Variants in CSMD3 observed in about 807,000 individuals in gnomAD.
CSMD3 encodes CUB and sushi domain-containing protein 3.
CSMD3 carries 177 observed loss-of-function variants against 435.2 expected under a neutral mutation model. That is an observed-to-expected ratio of 0.41 (90% CI 0.36 to 0.46). The LOEUF (loss-of-function observed/expected upper bound fraction) is 0.46. CSMD3 is among the 20% of genes least tolerant of loss of function. The pLI, the probability that CSMD3 is intolerant of heterozygous loss-of-function variation, is 0.34. For synonymous variants in CSMD3, 1,656 were observed against 1,520.5 expected (o/e 1.09, Z -2.07); for missense variants, 4,265 against 4,504.6 (o/e 0.95, Z 1.52).
chr8:112,450,975 T>A (rs908742473), intron 32 of CSMD3, among the ~76,000 whole-genome samples: 2 of 152,166 alleles, frequency 1.3e-5, no homozygotes, highest in Admixed American at 6.5e-5. Flanking sequence ...ACAATGATAT[T>A]TGCAAAAGGG....
intron 12 of CSMD3, among the ~76,000 whole-genome samples, chr8:112,807,498 A>G (rs1302930779): frequency 7.2e-6 from 1 of 138,824 alleles, no homozygotes; most frequent in African/African-American, 3.1e-5. Context: ...ATAGGTAGGT[A>G]GGTAGGTAGG....
intron 38 of CSMD3, among the ~76,000 whole-genome samples, chr8:112,371,435 T>C (rs1188715098): frequency 6.6e-6 from 1 of 152,092 alleles, no homozygotes. Context: ...CACAAGGAGC[T>C]TGTGGCACCT....
chr8:112,641,942 C>T (rs1196520872), intron 20 of CSMD3, among the ~76,000 whole-genome samples: 2 of 152,072 alleles, frequency 1.3e-5, no homozygotes, highest in African/African-American at 4.8e-5. Context: ...CTAGTATAGA[C>T]ATTTTGGAAA....
intron 5 of CSMD3, among the ~76,000 whole-genome samples, chr8:113,043,820 A>G (rs1030378628): frequency 6.6e-6 from 1 of 152,090 alleles, no homozygotes; most frequent in Non-Finnish European, 1.5e-5. Context: ...TTTGGAAAAA[A>G]AAATGAAGAA....
chr8:113,022,426 T>C (rs1004581628), intron 5 of CSMD3, among the ~76,000 whole-genome samples: 1 of 151,910 alleles, frequency 6.6e-6, no homozygotes, highest in African/African-American at 2.4e-5. Flanking sequence ...AATATGATAG[T>C]AAGCAAGAGA....
intron 9 of CSMD3, among the ~76,000 whole-genome samples, chr8:112,937,962 C>T (rs1194887741): frequency 6.6e-6 from 1 of 152,058 alleles, no homozygotes; most frequent in Non-Finnish European, 1.5e-5. Context: ...AAATTTTATT[C>T]AAGTCAAATG....
At chr8:112,909,676 T>C (rs2082354278) in intron 10 of CSMD3, among the ~76,000 whole-genome samples, 1 of 151,742 alleles carries the variant, frequency 6.6e-6, no homozygotes. Context: ...AAGCTAAAGA[T>C]GGCTGAAAAG....
In CSMD3 at chr8:112,988,377, CA is replaced by C. The variant is rs1018836281; in HGVS notation, c.1031-12230del. 7.9e-5 allele frequency among the ~76,000 whole-genome samples: 12 copies of C among 152,012 alleles called. 1 individual carries two copies. The highest frequency in any genetic ancestry group is 4.1e-4 in the South Asian group (2 of 4,824). On this transcript the variant is annotated intron_variant, in intron 6 of 70. Transcript: ENST00000297405. ...TGCATTAAAAATGTACAACATATCT[CA>C]ATAGCTTATTTTTGCTTGTTTAAAT...
intron 2 of CSMD3, among the ~76,000 whole-genome samples, chr8:113,300,885 A>G (rs924875613): frequency 1.3e-5 from 2 of 152,148 alleles, no homozygotes; most frequent in Admixed American, 6.6e-5. Context: ...ACAAATGCAT[A>G]CAATTGAGTT....
rs145142893 is a variant in CSMD3 at position 112,519,149 on chromosome 8, T to C, written c.4565-1924A>G. ...TGACACAGAGCCAAACCATATCACC[T>C]ATGGATTGGTTTTATAAGTGGAGAG... On this transcript the variant is annotated intron_variant, in intron 27 of 70. Coordinates refer to ENST00000297405, the MANE Select transcript of CSMD3 (RefSeq NM_198123.2). Among the ~76,000 whole-genome samples the C allele has an allele frequency of 3.6e-3, 544 of 152,236 alleles. 1 individual carries two copies. Among genetic ancestry groups the C allele is most frequent in the African/African-American group, 0.013 (521 of 41,552 alleles).
intron 11 of CSMD3, among the ~76,000 whole-genome samples, chr8:112,846,821 CA>C (rs888181181): frequency 1.3e-5 from 2 of 150,788 alleles, no homozygotes; most frequent in Non-Finnish European, 3.0e-5. Flanking sequence ...ACCATTTGAA[CA>C]AAAAAAATAA....
In CSMD3 at chr8:112,236,525, A is replaced by G. The variant is rs181183173; in HGVS notation, c.10627+665T>C. Among the ~76,000 whole-genome samples, 390 of 152,284 alleles carry G rather than the reference A, an allele frequency of 2.6e-3. 1 individual carries two copies. Among genetic ancestry groups the G allele is most frequent in the Non-Finnish European group, 4.7e-3 (318 of 67,996 alleles). On this transcript the variant is annotated intron_variant, in intron 67 of 70. Coordinates refer to ENST00000297405, the MANE Select transcript of CSMD3 (RefSeq NM_198123.2). ...TTTCAAATATTGTAAAGAAAAAAAC[A>G]GGGTAAGGCTGCCTAAAACTAAGAA...
At chr8:112,670,385 A>G (rs2075628509) in intron 16 of CSMD3, among the ~76,000 whole-genome samples, 1 of 152,230 alleles carries the variant, frequency 6.6e-6, no homozygotes, top group African/African-American at 2.4e-5. Flanking sequence ...TTGTTGACAA[A>G]GGATATGTAT....
intron 13 of CSMD3, among the ~76,000 whole-genome samples, chr8:112,695,031 T>A (rs1018853591): frequency 6.6e-6 from 1 of 152,074 alleles, no homozygotes; most frequent in African/African-American, 2.4e-5. Context: ...GGTCAGGGAT[T>A]TTCCTTTCCT....
intron 4 of CSMD3, 142 bp downstream of exon 4, chr8:113,173,580 C>A (rs1358460861): frequency 5.5e-6 from 4 of 722,468 alleles, no homozygotes; most frequent in African/African-American, 5.2e-5. Flanking sequence ...CCTCAGCCTC[C>A]CAAAGTGCTG....
At chr8:112,876,895 G>A (rs2081298447) in intron 10 of CSMD3, among the ~76,000 whole-genome samples, 1 of 152,126 alleles carries the variant, frequency 6.6e-6, no homozygotes, top group Non-Finnish European at 1.5e-5. Flanking sequence ...AAGCTGATAA[G>A]CAACTTCAGA....
At chr8:113,096,391 T>A (rs1334942941) in intron 5 of CSMD3, among the ~76,000 whole-genome samples, 1 of 152,154 alleles carries the variant, frequency 6.6e-6, no homozygotes, top group Non-Finnish European at 1.5e-5. Flanking sequence ...CAACTTCACA[T>A]TTCAAGAAAT....
chr8:112,511,981 TG>T (rs1823191612), intron 28 of CSMD3, among the ~76,000 whole-genome samples: 1 of 152,170 alleles, frequency 6.6e-6, no homozygotes, highest in Non-Finnish European at 1.5e-5. Flanking sequence ...ATCATGAGAT[TG>T]TAGCAATCCT....
chr8:112,793,583 A>AAAAC (rs2078747957), intron 13 of CSMD3, among the ~76,000 whole-genome samples: 1 of 152,204 alleles, frequency 6.6e-6, no homozygotes. Flanking sequence ...GGAAGCTCCC[A>AAAAC]AAACAAACAA....
Sources: gnomAD v4.1 joint callset for allele counts (sites outside exome capture counted in the v4.1 genomes callset) on GRCh38, gnomAD v4.1.1 for gene constraint, MANE v1.5 for transcripts, NCBI Gene and HGNC (gene_info 2026-07-23, HGNC 2026-07-21) for gene names.